The following TENT5D variants were observed in gnomAD, a reference collection of about 807,000 sequenced individuals.
TENT5D encodes terminal nucleotidyltransferase 5D.
For missense variants in TENT5D, 191 were observed against 287.0 expected (o/e 0.67, Z 2.42); for synonymous variants, 103 against 100.6 (o/e 1.02, Z -0.15).
chrX:80,352,264 A>T (rs955435776), intron 3 of TENT5D, among the ~76,000 whole-genome samples: 2 of 111,701 alleles, frequency 1.8e-5, no homozygotes, highest in African/African-American at 6.5e-5. Context: ...TTACGCCCAC[A>T]GCCCCCGCTT....
At chrX:80,438,207 C>G (rs1932217876) in intron 1 of TENT5D, among the ~76,000 whole-genome samples, 1 of 110,260 alleles carries the variant, frequency 9.1e-6, no homozygotes, top group African/African-American at 3.3e-5. Flanking sequence ...GTGTCATTCC[C>G]TGACCAGCAG....
chrX:80,374,655 G>A (rs1464870328), intron 3 of TENT5D, among the ~76,000 whole-genome samples: 1 of 110,803 alleles, frequency 9.0e-6, no homozygotes, highest in Non-Finnish European at 1.9e-5. Context: ...GTCAATTTTT[G>A]CTTTTGTTGC....
chrX:80,418,546 A>G (rs1462223612), upstream of TENT5D, among the ~76,000 whole-genome samples: 2 of 111,618 alleles, frequency 1.8e-5, no homozygotes, highest in East Asian at 5.6e-4. Context: ...CTAAACAGCT[A>G]TTTAGCAGTA....
At chrX:80,412,133 C>T (rs1276507666) in intron 3 of TENT5D, among the ~76,000 whole-genome samples, 1 of 112,889 alleles carries the variant, frequency 8.9e-6, no homozygotes, top group Non-Finnish European at 1.9e-5. Flanking sequence ...ATGGAAGCTG[C>T]CAAGGCTTGG....
intron 3 of TENT5D, among the ~76,000 whole-genome samples, chrX:80,383,267 A>C (rs937274972): frequency 9.0e-6 from 1 of 111,698 alleles, no homozygotes; most frequent in Admixed American, 9.5e-5. Flanking sequence ...CCCTTTTCCA[A>C]CTGCAGCAAA....
At chrX:80,403,580 A>T (rs942365161) in intron 3 of TENT5D, among the ~76,000 whole-genome samples, 1 of 112,368 alleles carries the variant, frequency 8.9e-6, no homozygotes, top group Non-Finnish European at 1.9e-5. Context: ...GCTTTATAAG[A>T]TGTTTAGAGT....
At chrX:80,348,689 A>G (rs1399613512) in intron 3 of TENT5D, among the ~76,000 whole-genome samples, 1 of 111,509 alleles carries the variant, frequency 9.0e-6, no homozygotes, top group Admixed American at 9.6e-5. Flanking sequence ...AGAACTTCCA[A>G]TGCTATGTTG....
chrX:80,381,275 T>G (rs1300673615), intron 3 of TENT5D, among the ~76,000 whole-genome samples: 1 of 112,151 alleles, frequency 8.9e-6, no homozygotes, highest in African/African-American at 3.2e-5. Flanking sequence ...TTAAGAATGT[T>G]GAATATTGGC....
chrX:80,374,591 A>G (rs1221471462), intron 3 of TENT5D, among the ~76,000 whole-genome samples: 1 of 110,657 alleles, frequency 9.0e-6, no homozygotes, highest in East Asian at 2.8e-4. Context: ...TTCTCTCATG[A>G]TCAGTAAAGG....
At chrX:80,352,888 G>T (rs917594514) in intron 3 of TENT5D, among the ~76,000 whole-genome samples, 2 of 110,723 alleles carry the variant, frequency 1.8e-5, no homozygotes, top group Non-Finnish European at 3.8e-5. Context: ...TATCTGGGCC[G>T]GATAGCGCAG....
chrX:80,375,140 T>C (rs1930700158), intron 3 of TENT5D, among the ~76,000 whole-genome samples: 1 of 111,609 alleles, frequency 9.0e-6, no homozygotes, highest in African/African-American at 3.2e-5. Context: ...AATTTTTTTC[T>C]TTTCTGGAAT....
chrX:80,411,281 A>G (rs1230106076), intron 3 of TENT5D, among the ~76,000 whole-genome samples: 1 of 112,023 alleles, frequency 8.9e-6, no homozygotes, highest in Non-Finnish European at 1.9e-5. Flanking sequence ...GTTCTAACCA[A>G]GTCTTTAGTG....
At chrX:80,370,983 A>G (rs1273565249) in intron 3 of TENT5D, among the ~76,000 whole-genome samples, 1 of 112,497 alleles carries the variant, frequency 8.9e-6, no homozygotes, top group Non-Finnish European at 1.9e-5. Context: ...TCACTTGCTC[A>G]TGTAAAATTT....
intron 3 of TENT5D, among the ~76,000 whole-genome samples, chrX:80,375,600 C>A (rs1284936908): frequency 9.0e-6 from 1 of 111,309 alleles, no homozygotes; most frequent in Non-Finnish European, 1.9e-5. Context: ...CCTTTTCATC[C>A]ATTTGCTTTT....
intron 3 of TENT5D, among the ~76,000 whole-genome samples, chrX:80,359,315 A>T (rs1050105926): frequency 1.8e-5 from 2 of 111,824 alleles, no homozygotes; most frequent in South Asian, 7.5e-4. Context: ...TACCCAAAGA[A>T]TTATAAATCA....
At chrX:80,348,255 G>A (rs770466646) in intron 3 of TENT5D, among the ~76,000 whole-genome samples, 24 of 111,962 alleles carry the variant, frequency 2.1e-4, no homozygotes, top group Non-Finnish European at 3.8e-4. Flanking sequence ...AATTACTTTG[G>A]TCAGTATGGC....
At chrX:80,405,344 G>A (rs752262391) in intron 3 of TENT5D, among the ~76,000 whole-genome samples, 1 of 112,437 alleles carries the variant, frequency 8.9e-6, no homozygotes, top group East Asian at 2.8e-4. Context: ...CTGAGGTACC[G>A]GGTTCATCTC....
At chrX:80,406,998 C>T (rs200489321) in intron 3 of TENT5D, among the ~76,000 whole-genome samples, 2 of 105,520 alleles carry the variant, frequency 1.9e-5, no homozygotes, top group Non-Finnish European at 3.9e-5. Flanking sequence ...TCCAGCCAAA[C>T]TAAGCTTCAT....
At chrX:80,390,287 A>T (rs1297398618) in intron 3 of TENT5D, among the ~76,000 whole-genome samples, 1 of 111,463 alleles carries the variant, frequency 9.0e-6, no homozygotes, top group Non-Finnish European at 1.9e-5. Context: ...GGAAAGTGGA[A>T]GAGAGAATAA....
Sources: gnomAD v4.1 joint callset for allele counts (sites outside exome capture counted in the v4.1 genomes callset) on GRCh38, gnomAD v4.1.1 for gene constraint, MANE v1.5 for transcripts, NCBI Gene and HGNC (gene_info 2026-07-23, HGNC 2026-07-21) for gene names.